FMN2: variants seen among roughly 807,000 people sequenced by gnomAD.
The protein encoded by FMN2 is formin 2.
In FMN2, 51 loss-of-function variants were observed where a neutral mutation model predicts 142.3. That is an observed-to-expected ratio of 0.36 (90% CI 0.29 to 0.45). The LOEUF (loss-of-function observed/expected upper bound fraction) is 0.45, where lower values mean the gene tolerates loss of function less well. FMN2 is among the 20% of genes least tolerant of loss of function. The pLI is 1.00. For synonymous variants in FMN2, 882 were observed against 869.8 expected, an observed-to-expected ratio of 1.01 and a Z score of -0.25; for missense variants, 1,936 against 2,122.8, an observed-to-expected ratio of 0.91 and a Z score of 1.73.
chr1:240,133,604 G>A (rs1034170500), intron 2 of FMN2, among the ~76,000 whole-genome samples: 22 of 152,068 alleles, frequency 1.4e-4, no homozygotes, highest in African/African-American at 5.3e-4. Context: ...CTTTTGCCAC[G>A]CTGAAGTGTT....
intron 16 of FMN2, among the ~76,000 whole-genome samples, chr1:240,455,172 A>G (rs1451467937): frequency 2.3e-5 from 1 of 43,960 alleles, no homozygotes; most frequent in East Asian, 5.0e-4. Flanking sequence ...GAACATGACC[A>G]TCGGAAAGTA....
At chr1:240,251,663 G>GATCCTACATCAAC (rs1424709227) in intron 6 of FMN2, among the ~76,000 whole-genome samples, 2 of 152,152 alleles carry the variant, frequency 1.3e-5, no homozygotes, top group Non-Finnish European at 2.9e-5. Flanking sequence ...TGCTGAGAGT[G>GATCCTACATCAAC]TGATGTTGAT....
chr1:240,428,429 GTTGCT>G (rs1472370768), intron 15 of FMN2, among the ~76,000 whole-genome samples: 1 of 148,234 alleles, frequency 6.7e-6, no homozygotes, highest in Non-Finnish European at 1.5e-5. Flanking sequence ...GTCTTGCTAT[GTTGCT>G]CAGGCTGGTC....
chr1:240,180,775 T>G (rs1665118363), intron 3 of FMN2, among the ~76,000 whole-genome samples: 1 of 151,706 alleles, frequency 6.6e-6, no homozygotes, highest in South Asian at 2.1e-4. Context: ...CCATGTTAGC[T>G]AAGCTGCTCT....
At chr1:240,379,003 CTTA>C (rs1340852616) in intron 14 of FMN2, among the ~76,000 whole-genome samples, 1 of 152,126 alleles carries the variant, frequency 6.6e-6, no homozygotes, top group Non-Finnish European at 1.5e-5. Flanking sequence ...TAGTAATTTT[CTTA>C]TTAAGTGCTA....
At chr1:240,159,665 G>C (rs543484304) in intron 2 of FMN2, among the ~76,000 whole-genome samples, 97 of 152,156 alleles carry the variant, frequency 6.4e-4, no homozygotes, top group Admixed American at 4.6e-4. Flanking sequence ...AGAGTGTGGG[G>C]AGAACCTATT....
intron 2 of FMN2, among the ~76,000 whole-genome samples, chr1:240,135,324 T>C (rs1662893571): frequency 6.6e-6 from 1 of 151,582 alleles, no homozygotes; most frequent in South Asian, 2.1e-4. Context: ...AGTCAATACA[T>C]ATAAATAGGA....
rs756415460 is a variant in FMN2, at chr1:240,274,591, C to T, written c.4153+16559C>T. Among the ~76,000 whole-genome samples, 21 of 152,096 alleles carry T rather than the reference C, an allele frequency of 1.4e-4. No individual in the cohort carries two copies. In the South Asian group the frequency reaches 3.1e-3, roughly 23 times the overall value. On this transcript the variant is annotated intron_variant, in intron 7 of 17. Transcript: ENST00000319653. ...CTAACAGAGGGTTTAGGTAGAGGAA[C>T]GATTGGTCTGATTTGTCTTCCAAGG...
intron 15 of FMN2, among the ~76,000 whole-genome samples, chr1:240,410,206 A>G (rs2103124097): frequency 6.6e-6 from 1 of 152,308 alleles, no homozygotes; most frequent in South Asian, 2.1e-4. Context: ...ATATTTAAAA[A>G]ACATCTTAAA....
chr1:240,403,203 T>A (rs1185025494), intron 15 of FMN2, among the ~76,000 whole-genome samples: 1 of 152,224 alleles, frequency 6.6e-6, no homozygotes, highest in African/African-American at 2.4e-5. Flanking sequence ...AACAAAGTAA[T>A]GTGTATGAAC....
At chr1:240,300,918 C>T (rs1375255985) in intron 8 of FMN2, among the ~76,000 whole-genome samples, 1 of 149,344 alleles carries the variant, frequency 6.7e-6, no homozygotes, top group East Asian at 2.0e-4. Flanking sequence ...TTTCCAACTC[C>T]ATCTGTGTAC....
intron 7 of FMN2, among the ~76,000 whole-genome samples, chr1:240,279,257 T>C (rs540528957): frequency 2.6e-5 from 4 of 152,264 alleles, no homozygotes; most frequent in African/African-American, 9.6e-5. Flanking sequence ...AATGGTTTTC[T>C]TTAATGAAAA....
chr1:240,177,646 C>A (rs369533143), intron 2 of FMN2, among the ~76,000 whole-genome samples: 1 of 152,084 alleles, frequency 6.6e-6, no homozygotes, highest in Non-Finnish European at 1.5e-5. Context: ...CCCTGCAGGG[C>A]TACATAGCAT....
intron 6 of FMN2, among the ~76,000 whole-genome samples, chr1:240,219,123 T>C (rs1299085626): frequency 6.6e-6 from 1 of 152,190 alleles, no homozygotes; most frequent in Admixed American, 6.5e-5. Context: ...TGCTTCTGTC[T>C]GGGAGTTTTA....
At chr1:240,275,183 G>A (rs192900156) in intron 7 of FMN2, among the ~76,000 whole-genome samples, 12 of 151,000 alleles carry the variant, frequency 7.9e-5, no homozygotes, top group Non-Finnish European at 1.5e-4. Context: ...GTGTTTTGCT[G>A]CATGCATCAA....
At chr1:240,211,005 C>A in intron 5 of FMN2, 86 bp from the exon 6 acceptor site, 1 of 1,291,862 alleles carries the variant, frequency 7.7e-7, no homozygotes, top group Non-Finnish European at 1.1e-6. Context: ...TGGCCTTCCT[C>A]CCTCCCCTTC....
chr1:240,331,390 G>C (rs1457243994), intron 11 of FMN2, among the ~76,000 whole-genome samples: 1 of 152,030 alleles, frequency 6.6e-6, no homozygotes, highest in Non-Finnish European at 1.5e-5. Flanking sequence ...TATGAGGTTA[G>C]GAATGATGGT....
At chr1:240,309,388 G>A (rs1670524309) in intron 8 of FMN2, among the ~76,000 whole-genome samples, 1 of 152,112 alleles carries the variant, frequency 6.6e-6, no homozygotes, top group Admixed American at 6.5e-5. Flanking sequence ...ATGCTACAGT[G>A]AACGTGAAGC....
At chr1:240,224,045 T>C (rs2103428286) in intron 6 of FMN2, among the ~76,000 whole-genome samples, 1 of 152,272 alleles carries the variant, frequency 6.6e-6, no homozygotes, top group East Asian at 1.9e-4. Flanking sequence ...TGTTGGCTCT[T>C]GCTTCTCTAG....
Sources: gnomAD v4.1 joint callset for allele counts (sites outside exome capture counted in the v4.1 genomes callset) on GRCh38, gnomAD v4.1.1 for gene constraint, MANE v1.5 for transcripts, NCBI Gene and HGNC (gene_info 2026-07-23, HGNC 2026-07-21) for gene names.